Variants in TSGA10 observed in about 807,000 individuals in gnomAD.
TSGA10 encodes the protein testis specific 10.
A neutral mutation model predicts 96.6 loss-of-function variants in TSGA10; 43 were observed. That is an observed-to-expected ratio of 0.44 (90% confidence interval 0.35 to 0.57). The LOEUF (loss-of-function observed/expected upper bound fraction) is 0.57. Among genes scored for constraint, TSGA10 ranks in the 20% least tolerant of loss-of-function variants. The probability of loss-of-function intolerance (pLI) is 0.01; values close to 1 mark genes in which losing one functional copy is unlikely to be tolerated. For synonymous variants in TSGA10, 229 were observed against 269.9 expected (o/e 0.85, Z 1.48); for missense variants, 703 against 834.4 (o/e 0.84, Z 1.94).
At chr2:99,074,413 T>G (rs1380680480) in intron 12 of TSGA10, among the ~76,000 whole-genome samples, 3 of 151,186 alleles carry the variant, frequency 2.0e-5, no homozygotes, top group African/African-American at 7.3e-5. Context: ...CTCCAGGGTA[T>G]TTTTAGCTAC....
At chr2:99,082,504 C>T (rs1297042598) in intron 10 of TSGA10, among the ~76,000 whole-genome samples, 6 of 152,200 alleles carry the variant, frequency 3.9e-5, no homozygotes, top group East Asian at 3.9e-4. Flanking sequence ...CAAAGTGTGG[C>T]GTTTTCTCTA....
chr2:99,118,441 A>C, intron 3 of TSGA10, 110 bp downstream of exon 3: 37 of 245,058 alleles, frequency 1.5e-4, no homozygotes, highest in South Asian at 3.4e-4. Flanking sequence ...ACACAGCAAG[A>C]CTCTATCTCA....
At chr2:99,154,340 G>A (rs1172014128) in intron 1 of TSGA10, 1 of 152,204 alleles carries the variant, frequency 6.6e-6, no homozygotes, top group African/African-American at 2.4e-5. Flanking sequence ...GAGTCACAGA[G>A]TTTTCTTGCC....
Position 99,055,662 on chromosome 2 carries a change from C to G in TSGA10, c.1404+9277G>C, listed in dbSNP as rs185960498. On this transcript the variant is annotated intron_variant, in intron 16 of 20. Transcript: ENST00000393483. ...TAAAGCCAGGCAGAGTTCCTACTGC[C>G]AGAAAGAGAGAGGGAGAGAGAGAGA... Among the ~76,000 whole-genome samples, 886 of 151,420 alleles carry G rather than the reference C, an allele frequency of 5.9e-3. 9 individuals carry two copies. The highest frequency in any genetic ancestry group is 0.021 in the African/African-American group (849 of 41,300).
intron 1 of TSGA10, among the ~76,000 whole-genome samples, chr2:99,130,002 T>C (rs1358999520): frequency 2.0e-5 from 3 of 152,216 alleles, no homozygotes; most frequent in African/African-American, 4.8e-5. Flanking sequence ...ATCCATGGTG[T>C]ATATGTGCCA....
rs867572791 is a variant in TSGA10 at position 99,064,967 on chromosome 2, A to C, written c.1376T>G (p.Val459Gly). Residue 459 changes from valine (V) to glycine (G), a missense_variant, in exon 16 of 21, where the codon GTA (valine) becomes GGA (glycine). Val to Gly is a moderately radical substitution (Grantham distance 109). This residue lies in a region of TSGA10 where 585 missense variants were observed against 656.8 expected (regional missense o/e 0.89). Transcript: ENST00000393483. Reference sequence around the variant, plus strand: ...CTCAACCTCTCTGTTGAGGGAATCTACTTTTTCTTTTAATCTGTTACCCTC... The same window carrying C: ...CTCAACCTCTCTGTTGAGGGAATCTCCTTTTTCTTTTAATCTGTTACCCTC... ...EAEGNRLKEK[V>G]DSLNREVEQH... 1 of 1,602,238 alleles carries C rather than the reference A, an allele frequency of 6.2e-7. No individual in the cohort carries two copies. The highest frequency in any genetic ancestry group is 1.3e-5 in the African/African-American group (1 of 74,288).
rs193207086 is a variant in TSGA10, at chr2:99,126,940, C to T, written c.-492+108G>A. 5.6e-5 allele frequency: 57 copies of T among 1,026,088 alleles called. No individual in the cohort carries two copies. The Admixed American group carries it at 1.5e-3, about 27-fold the overall frequency. 63.6% of individuals were successfully genotyped at this position (1,026,088 alleles called of 1,614,324 possible). On this transcript the variant is annotated intron_variant, in intron 2 of 20. Coordinates refer to ENST00000393483, the MANE Select transcript of TSGA10 (RefSeq NM_025244.4). ...AAATTGAATGATTTTAGACCCATAA[C>T]ATTTAAATGAGCTCTGAATTAGTAG...
Position 99,078,778 on chromosome 2 carries a change from C to A in TSGA10, c.763G>T (p.Glu255Ter). 1.2e-6 allele frequency: 2 copies of A among 1,613,370 alleles called. No individual in the cohort carries two copies. Among genetic ancestry groups the A allele is most frequent in the Non-Finnish European group, 1.7e-6 (2 of 1,179,816 alleles). The change falls in exon 12 of 21, where the codon GAA becomes TAA. Residue 255 changes from glutamate to a stop codon, truncating the protein, a stop_gained. Transcript: ENST00000393483. LOFTEE classifies it high-confidence loss of function. ...AGGGTTCCACCAAGAATGCTGATTTCTTCTCGCTGTGCAATATTTTGCCTT... is the reference window on the plus strand; with the variant it reads ...AGGGTTCCACCAAGAATGCTGATTTATTCTCGCTGTGCAATATTTTGCCTT... ...FTRQNIAQRE[E>*]ISILGGTLND...
chr2:99,057,460 G>A (rs775532031), intron 16 of TSGA10, among the ~76,000 whole-genome samples: 8 of 152,030 alleles, frequency 5.3e-5, no homozygotes, highest in Non-Finnish European at 8.8e-5. Flanking sequence ...ACTTGCGATG[G>A]AGAATCTGAA....
chr2:99,142,601 A>G (rs543196560), intron 1 of TSGA10, among the ~76,000 whole-genome samples: 1 of 151,936 alleles, frequency 6.6e-6, no homozygotes, highest in South Asian at 2.1e-4. Flanking sequence ...ATTAGATACC[A>G]AAAAAAATTA....
intron 17 of TSGA10, among the ~76,000 whole-genome samples, 174 bp from the exon 18 acceptor site, chr2:99,020,656 A>T (rs1419779767): frequency 6.6e-6 from 1 of 152,174 alleles, no homozygotes. Flanking sequence ...ATGTATGTAT[A>T]GTATCACTTT....
At chr2:99,083,842 AGCAT>A in intron 10 of TSGA10, among the ~76,000 whole-genome samples, 1 of 152,308 alleles carries the variant, frequency 6.6e-6, no homozygotes, top group South Asian at 2.1e-4. Context: ...GTAAAGGAGT[AGCAT>A]GAGGGATATT....
At chr2:99,119,666 C>T (rs1359398390) in intron 2 of TSGA10, among the ~76,000 whole-genome samples, 2 of 152,276 alleles carry the variant, frequency 1.3e-5, no homozygotes, top group Non-Finnish European at 2.9e-5. Flanking sequence ...CCCTAACAAT[C>T]ATTAATTATT....
chr2:99,125,365 C>T (rs747224077), intron 2 of TSGA10: 2 of 152,132 alleles, frequency 1.3e-5, no homozygotes, highest in Non-Finnish European at 2.9e-5. Flanking sequence ...GGACCAGTTA[C>T]TTTATTTTTT....
At chr2:99,079,209 T>C (rs1460065097) in intron 11 of TSGA10, among the ~76,000 whole-genome samples, 1 of 152,202 alleles carries the variant, frequency 6.6e-6, no homozygotes, top group African/African-American at 2.4e-5. Flanking sequence ...CACTGTTGTA[T>C]ATAAAGTTGG....
chr2:99,121,405 T>A, intron 2 of TSGA10, among the ~76,000 whole-genome samples: 1 of 710 alleles, frequency 1.4e-3, no homozygotes, highest in African/African-American at 4.9e-3. Flanking sequence ...CCCTGATGTT[T>A]ACAGAGGCTG....
intron 2 of TSGA10, among the ~76,000 whole-genome samples, chr2:99,123,350 G>A (rs1476045517): frequency 6.6e-6 from 1 of 151,924 alleles, no homozygotes; most frequent in Non-Finnish European, 1.5e-5. Context: ...GTCGAACATA[G>A]TTTTACCTGT....
At chr2:99,140,733 A>T (rs2093504425) in intron 1 of TSGA10, among the ~76,000 whole-genome samples, 1 of 152,146 alleles carries the variant, frequency 6.6e-6, no homozygotes, top group South Asian at 2.1e-4. Context: ...CTGAACTCCC[A>T]AATCTGTGAC....
intron 20 of TSGA10, among the ~76,000 whole-genome samples, chr2:99,009,826 C>T (rs2078852313): frequency 6.6e-6 from 1 of 152,002 alleles, no homozygotes; most frequent in South Asian, 2.1e-4. Context: ...TTAAATGAGC[C>T]TCTGTGAGTG....
Sources: allele counts gnomAD v4.1 joint callset (sites outside exome capture counted in the v4.1 genomes callset), GRCh38; gene constraint gnomAD v4.1.1; regional missense constraint gnomAD v4.1.1; transcripts MANE v1.5; gene names NCBI Gene and HGNC (gene_info 2026-07-23, HGNC 2026-07-21).